Variants in MYO5A observed in about 807,000 individuals in gnomAD.
The protein encoded by MYO5A is myosin VA.
A neutral mutation model predicts 249.7 loss-of-function variants in MYO5A; 98 were observed. The ratio of observed to expected loss-of-function variants is 0.39; its 90% confidence interval spans 0.33 to 0.46. MYO5A has a LOEUF of 0.46. Among genes scored for constraint, MYO5A ranks in the 20% least tolerant of loss-of-function variants. The probability of loss-of-function intolerance (pLI) is 0.98; values close to 1 mark genes in which losing one functional copy is unlikely to be tolerated. For synonymous variants in MYO5A, 778 were observed against 810.6 expected (o/e 0.96, Z 0.68); for missense variants, 1,696 against 2,308.8 (o/e 0.73, Z 5.44).
intron 9 of MYO5A, among the ~76,000 whole-genome samples, chr15:52,404,686 G>A (rs1226892275): frequency 1.3e-5 from 2 of 152,142 alleles, no homozygotes; most frequent in Non-Finnish European, 2.9e-5. Context: ...CCTGTGAGAC[G>A]TGAGTAAGAG....
rs930124626 is a variant in MYO5A, at chr15:52,351,433, C to T, written c.3670G>A (p.Glu1224Lys). The change falls in exon 28 of 42, where the codon GAG (glutamate) becomes AAG (lysine). Residue 1224 changes from glutamate to lysine, a missense_variant. Glu to Lys is a moderately conservative substitution (Grantham distance 56). This residue lies in a region of MYO5A where 625 missense variants were observed against 908.1 expected (regional missense o/e 0.69). Coordinates refer to ENST00000399233, the MANE Select transcript of MYO5A (RefSeq NM_001382347.1). The part of the protein sequence containing the change: ...ENKKLKNELN[E>K]LRKALSEKSA... ...TTCTCACTGAGGGCCTTGCGCAACTCATTTAGCTCATTCTTCAGTTTTTTG... is the reference window on the plus strand; with the variant it reads ...TTCTCACTGAGGGCCTTGCGCAACTTATTTAGCTCATTCTTCAGTTTTTTG... The T allele has an allele frequency of 6.2e-7, 1 of 1,614,086 alleles. No homozygotes were observed. The highest frequency in any genetic ancestry group is 1.3e-5 in the African/African-American group (1 of 74,920).
chr15:52,333,162 T>C (rs1185069469), intron 34 of MYO5A, among the ~76,000 whole-genome samples: 3 of 151,098 alleles, frequency 2.0e-5, no homozygotes. Context: ...CTGTTCTTTA[T>C]AAATCACCCA....
intron 1 of MYO5A, chr15:52,505,880 T>C: frequency 1.3e-6 from 2 of 1,557,848 alleles, no homozygotes; most frequent in East Asian, 2.2e-5. Flanking sequence ...TCCTGGATCA[T>C]GGCATTTAAA....
At chr15:52,463,768 C>G (rs1168956034) in intron 1 of MYO5A, among the ~76,000 whole-genome samples, 1 of 152,226 alleles carries the variant, frequency 6.6e-6, no homozygotes, top group Non-Finnish European at 1.5e-5. Context: ...AATAAGTCAG[C>G]ATTGCCCTCT....
At chr15:52,414,886 T>A (rs1182187199) in intron 5 of MYO5A, among the ~76,000 whole-genome samples, 1 of 152,210 alleles carries the variant, frequency 6.6e-6, no homozygotes, top group Admixed American at 6.5e-5. Flanking sequence ...CTACTCTCTT[T>A]CGGTGCAAAC....
At chr15:52,369,869 C>CTTTTTT (rs5812601) in intron 22 of MYO5A, among the ~76,000 whole-genome samples, 1 of 93,828 alleles carries the variant, frequency 1.1e-5, no homozygotes. Flanking sequence ...CCCAGACTGA[C>CTTTTTT]TTTTTTTTTT....
chr15:52,474,737 G>A (rs1164456458), intron 1 of MYO5A, among the ~76,000 whole-genome samples: 1 of 152,190 alleles, frequency 6.6e-6, no homozygotes, highest in Non-Finnish European at 1.5e-5. Flanking sequence ...CAGGGATGAG[G>A]TCCGCTTGAT....
intron 1 of MYO5A, among the ~76,000 whole-genome samples, chr15:52,445,714 T>C (rs2075874883): frequency 6.6e-6 from 1 of 152,212 alleles, no homozygotes; most frequent in South Asian, 2.1e-4. Context: ...ATGTGGAACT[T>C]AGTGGAACTG....
At chr15:52,387,996 T>C (rs2042041076) in intron 13 of MYO5A, 84 bp from the exon 14 acceptor site, 1 of 1,020,246 alleles carries the variant, frequency 9.8e-7, no homozygotes, top group Admixed American at 1.9e-5. Context: ...TCTTTATTAG[T>C]CTCAGGCTAT....
chr15:52,412,355 G>A (rs2043287196), intron 5 of MYO5A, among the ~76,000 whole-genome samples: 1 of 152,188 alleles, frequency 6.6e-6, no homozygotes, highest in African/African-American at 2.4e-5. Flanking sequence ...GCAGGGATTG[G>A]CTAGAATTGA....
At chr15:52,520,099 T>A (rs544595771) in intron 1 of MYO5A, among the ~76,000 whole-genome samples, 1 of 152,238 alleles carries the variant, frequency 6.6e-6, no homozygotes, top group East Asian at 1.9e-4. Context: ...TCAAGCAAAA[T>A]TTCCCATTCT....
In MYO5A at chr15:52,448,957, C is replaced by CTTTTTTTTTTTTTTTTTTTTTTTTTTTT. The variant is rs145765339; in HGVS notation, c.28-15700_28-15673dup. 2.5e-4 allele frequency among the ~76,000 whole-genome samples: 14 copies of CTTTTTTTTTTTTTTTTTTTTTTTTTTTT among 55,596 alleles called. 1 individual carries two copies. Among genetic ancestry groups the CTTTTTTTTTTTTTTTTTTTTTTTTTTTT allele is most frequent in the African/African-American group, 5.9e-4 (7 of 11,798 alleles). The allele number at this position is 55,596 out of a possible 152,430, so 36.5% of individuals were successfully genotyped here. On this transcript the variant is annotated intron_variant, in intron 1 of 41. Coordinates refer to ENST00000399233, the MANE Select transcript of MYO5A (RefSeq NM_001382347.1). ...TTTTTTTTTTTCTTTTCTTGTCTTT[C>CTTTTTTTTTTTTTTTTTTTTTTTTTTTT]TTTTTTTTTTTTTTTTTTTTTTTTT... is the stretch of plus-strand genomic sequence containing the variant.
intron 1 of MYO5A, among the ~76,000 whole-genome samples, chr15:52,519,826 G>A (rs533885619): frequency 7.9e-5 from 12 of 152,026 alleles, no homozygotes; most frequent in Middle Eastern, 3.4e-3. Context: ...TGCTTCCCGG[G>A]TTCAAGCGAT....
chr15:52,446,535 G>A lies in MYO5A; in HGVS notation c.28-13250C>T, dbSNP rs571391993. On this transcript the variant is annotated intron_variant, in intron 1 of 41. Transcript: ENST00000399233. The stretch of plus-strand genomic sequence containing the variant: ...GCCAAAGGAAAATGTGGGGTTGGAG[G>A]CCCTATACAGAGTTGCAAGGGGGCA... 5.9e-5 allele frequency among the ~76,000 whole-genome samples: 9 copies of A among 152,338 alleles called. No homozygotes were observed. In the East Asian group the frequency reaches 1.3e-3, roughly 23 times the overall value.
chr15:52,359,123 C>T (rs1286769140), intron 25 of MYO5A, among the ~76,000 whole-genome samples: 2 of 152,140 alleles, frequency 1.3e-5, no homozygotes, highest in Non-Finnish European at 2.9e-5. Context: ...TAACATTTTT[C>T]TTCAAAATTA....
chr15:52,480,633 A>G (rs2076695637), intron 1 of MYO5A, among the ~76,000 whole-genome samples: 1 of 152,218 alleles, frequency 6.6e-6, no homozygotes, highest in African/African-American at 2.4e-5. Context: ...AAGCAAAATC[A>G]GGACTCAACT....
intron 37 of MYO5A, among the ~76,000 whole-genome samples, chr15:52,322,897 T>C (rs1199499131): frequency 1.3e-5 from 2 of 152,052 alleles, no homozygotes; most frequent in Admixed American, 6.5e-5. Context: ...TAGTTACATA[T>C]GCATACATGT....
At chr15:52,468,614 G>A (rs1289662771) in intron 1 of MYO5A, among the ~76,000 whole-genome samples, 1 of 152,214 alleles carries the variant, frequency 6.6e-6, no homozygotes, top group Admixed American at 6.5e-5. Context: ...AGGCTGTAGT[G>A]ATTTATGATC....
At position 52,313,569 on chromosome 15, in the gene MYO5A, A is replaced by G; in HGVS notation, c.*127T>C. 8.4e-7 allele frequency: 1 copy of G among 1,195,772 alleles called. No homozygotes were observed. The highest frequency in any genetic ancestry group is 1.3e-5 in the South Asian group (1 of 76,832). 74.1% of individuals were successfully genotyped at this position (1,195,772 alleles called of 1,614,324 possible). ...AGTATTCTAGGGAGATTTCCAGTTA[A>G]TGACTTCTCATTTGGGAGATAATCA... On this transcript the variant is annotated 3_prime_UTR_variant, in exon 42 of 42. Transcript: ENST00000399233.
Sources: gnomAD v4.1 joint callset for allele counts (sites outside exome capture counted in the v4.1 genomes callset) on GRCh38, gnomAD v4.1.1 for gene constraint, gnomAD v4.1.1 regional missense constraint, MANE v1.5 for transcripts, NCBI Gene and HGNC (gene_info 2026-07-23, HGNC 2026-07-21) for gene names.